Variants in MATN3 observed in about 807,000 individuals in gnomAD.
MATN3 encodes matrilin 3.
MATN3 carries 48 observed loss-of-function variants against 45.3 expected under a neutral mutation model. That is an observed-to-expected ratio of 1.06 (90% CI 0.84 to 1.35). The LOEUF (loss-of-function observed/expected upper bound fraction) is 1.35. Among genes scored for constraint, MATN3 ranks in the 40% most tolerant of loss-of-function variants. MATN3 has a pLI of 0.00. For synonymous variants in MATN3, 217 were observed against 245.9 expected, an observed-to-expected ratio of 0.88 and a Z score of 1.10; for missense variants, 599 against 628.0, an observed-to-expected ratio of 0.95 and a Z score of 0.49.
At chr2:20,005,352 T>C (rs1036485551) in intron 2 of MATN3, among the ~76,000 whole-genome samples, 1 of 151,968 alleles carries the variant, frequency 6.6e-6, no homozygotes, top group Non-Finnish European at 1.5e-5. Flanking sequence ...ATGGTAAAAC[T>C]AAAAAAATAT....
At position 20,012,311 on chromosome 2, in the gene MATN3, C is replaced by A. The variant is rs374832651; in HGVS notation, c.223+98G>T. The A allele has an allele frequency of 1.0e-6, 1 of 960,780 alleles. No individual in the cohort carries two copies. The allele number at this position is 960,780 out of a possible 1,614,324, so 59.5% of individuals were successfully genotyped here. ...CCGGGAGGGGCCTCTTTCCCCCGCA[C>A]CACGGTCGGCCTGAGGCCGGGATGA... On this transcript the variant is annotated intron_variant, in intron 1 of 7. Transcript: ENST00000407540. This position sits in a 1 kb window ranked among gnomAD's most constrained non-coding sequence, Gnocchi z 4.3.
Position 20,005,802 on chromosome 2 carries a change from G to A in MATN3, c.732C>T (p.Tyr244=), listed in dbSNP as rs371740669. ...ASEPLEEHVF[Y]VETYGVIEKL... is the part of the protein sequence containing the mutation. ...TCTCAATGACCCCATAGGTCTCCACGTAGAAAACATGCTCCTCTAGGGGCT... is the reference window on the plus strand; with the variant it reads ...TCTCAATGACCCCATAGGTCTCCACATAGAAAACATGCTCCTCTAGGGGCT... The change falls in exon 2 of 8, where the codon TAC becomes TAT. Residue 244 remains tyrosine (Y), a synonymous_variant. Transcript: ENST00000407540. 24 of 1,611,046 alleles carry A rather than the reference G, an allele frequency of 1.5e-5. No homozygotes were observed. Among genetic ancestry groups the A allele is most frequent in the Middle Eastern group, 1.6e-4 (1 of 6,084 alleles).
chr2:20,011,473 C>T (rs1375136262), intron 1 of MATN3, among the ~76,000 whole-genome samples: 1 of 152,230 alleles, frequency 6.6e-6, no homozygotes, highest in Non-Finnish European at 1.5e-5. Flanking sequence ...AGCTCCTTCT[C>T]AGCTTATCCA....
At chr2:20,009,477 CAG>C (rs1673175941) in intron 1 of MATN3, among the ~76,000 whole-genome samples, 2 of 151,942 alleles carry the variant, frequency 1.3e-5, no homozygotes, top group Admixed American at 1.3e-4. Flanking sequence ...CAGCGCCTGT[CAG>C]GGGGTGGGGG....
chr2:19,996,541 G>A (rs1672872309), intron 6 of MATN3, among the ~76,000 whole-genome samples: 1 of 152,132 alleles, frequency 6.6e-6, no homozygotes, highest in Non-Finnish European at 1.5e-5. Flanking sequence ...AAAGCATTGA[G>A]GGGAGGGTGG....
At chr2:20,009,372 C>T (rs1411292647) in intron 1 of MATN3, among the ~76,000 whole-genome samples, 1 of 151,492 alleles carries the variant, frequency 6.6e-6, no homozygotes, top group African/African-American at 2.4e-5. Context: ...AGCAAACTGA[C>T]ACAGGAACAG....
At chr2:20,011,796 G>C (rs1673223728) in intron 1 of MATN3, among the ~76,000 whole-genome samples, 1 of 152,226 alleles carries the variant, frequency 6.6e-6, no homozygotes, top group South Asian at 2.1e-4. Flanking sequence ...GGCTGTGTCA[G>C]ACGACCTGCC....
chr2:20,005,858 C>T lies in MATN3; in HGVS notation c.676G>A (p.Asp226Asn). The change falls in exon 2 of 8, where the codon GAC becomes AAC. Residue 226 changes from aspartate to asparagine, a missense_variant. Physicochemically the swap from Asp to Asn is conservative, Grantham distance 23 (BLOSUM62 1). Transcript: ENST00000407540. ...GCCATCATCTTGAGGGACGCCATGT[C>T]TGCCCGGTCCACGCCCACAGCATAG... ...ELYAVGVDRADMASLKMMASE... is the reference protein window; with the variant it reads ...ELYAVGVDRANMASLKMMASE... The T allele has an allele frequency of 6.2e-7, 1 of 1,609,450 alleles. No homozygotes were observed. The highest frequency in any genetic ancestry group is 8.5e-7 in the Non-Finnish European group (1 of 1,177,770).
In MATN3 at chr2:20,006,149, T is replaced by C. The variant is rs1156461542; in HGVS notation, c.385A>G (p.Ser129Gly). Residue 129 changes from serine to glycine, a missense_variant, in exon 2 of 8, where the codon AGC becomes GGC. Coordinates refer to ENST00000407540, the MANE Select transcript of MATN3 (RefSeq NM_002381.5). ...DTRVAVVNYA[S>G]TVKIEFQLQA... is the part of the protein sequence containing the mutation. ...AGTTGGAACTCGATCTTCACAGTGCTAGCATAGTTCACCACTGCCACCCGC... is the reference window on the plus strand; with the variant it reads ...AGTTGGAACTCGATCTTCACAGTGCCAGCATAGTTCACCACTGCCACCCGC... The C allele has an allele frequency of 6.2e-7, 1 of 1,614,002 alleles. No individual in the cohort carries two copies. The highest frequency in any genetic ancestry group is 1.7e-5 in the Admixed American group (1 of 60,026).
chr2:19,998,775 A>AATATAT (rs1553326852), intron 5 of MATN3, among the ~76,000 whole-genome samples: 2 of 151,028 alleles, frequency 1.3e-5, no homozygotes, highest in African/African-American at 4.9e-5. Context: ...AAGAAAAAAA[A>AATATAT]ATATATATAT....
chr2:20,009,435 C>A (rs1247195017), intron 1 of MATN3, among the ~76,000 whole-genome samples: 1 of 152,146 alleles, frequency 6.6e-6, no homozygotes, highest in South Asian at 2.1e-4. Context: ...ACAATGAGAA[C>A]TCATGGACAT....
intron 1 of MATN3, among the ~76,000 whole-genome samples, chr2:20,008,248 C>T (rs536641801): frequency 4.5e-4 from 68 of 152,332 alleles, no homozygotes; most frequent in African/African-American, 1.6e-3. Context: ...TAGGTGTGAG[C>T]CACTGTGCCC....
In MATN3 at chr2:19,996,733, G is replaced by A. The variant is rs369894746; in HGVS notation, c.1294+401C>T. 3.3e-4 allele frequency among the ~76,000 whole-genome samples: 51 copies of A among 152,274 alleles called. No homozygotes were observed. The East Asian group carries it at 6.2e-3, about 18-fold the overall frequency. On this transcript the variant is annotated intron_variant, in intron 6 of 7. Transcript: ENST00000407540. Reference sequence around the variant, plus strand: ...GTGATGGGCAGTTATTGTTTCATCGGCACAGACTTTTATTTTGGGATGATA... The same window carrying A: ...GTGATGGGCAGTTATTGTTTCATCGACACAGACTTTTATTTTGGGATGATA...
chr2:20,002,159 TATACACACACAC>T (rs1672997441), intron 3 of MATN3, 79 bp from the exon 4 acceptor site: 2 of 723,152 alleles, frequency 2.8e-6, no homozygotes, highest in Non-Finnish European at 4.1e-6. Flanking sequence ...CACTTACAGT[TATACACACACAC>T]ACACACACAC....
intron 3 of MATN3, among the ~76,000 whole-genome samples, 196 bp from the exon 4 acceptor site, chr2:20,002,276 A>G (rs910276493): frequency 6.6e-6 from 1 of 152,158 alleles, no homozygotes; most frequent in African/African-American, 2.4e-5. Context: ...ACCCTGTGAC[A>G]TAGGTAAGTT....
intron 6 of MATN3, 123 bp downstream of exon 6, chr2:19,997,011 G>A: frequency 2.1e-6 from 2 of 965,014 alleles, no homozygotes; most frequent in Admixed American, 4.9e-5. Context: ...TAGACCAGTG[G>A]GAGCCACTGG....
rs926545037 is a variant in MATN3 at position 19,995,232 on chromosome 2, C to T, written c.1295-823G>A. On this transcript the variant is annotated intron_variant, in intron 6 of 7. Coordinates refer to ENST00000407540, the MANE Select transcript of MATN3 (RefSeq NM_002381.5). The surrounding 1 kb of genome is among the most constrained non-coding windows in gnomAD (Gnocchi z 4.2). ...CTTTGGGAGGCCAAGGTGGGTGGAACGCTTGAAGTCAGGAGTTCAAGACCA... is the reference window on the plus strand; with the variant it reads ...CTTTGGGAGGCCAAGGTGGGTGGAATGCTTGAAGTCAGGAGTTCAAGACCA... Among the ~76,000 whole-genome samples, 3 of 152,130 alleles carry T rather than the reference C, an allele frequency of 2.0e-5. No homozygotes were observed. The highest frequency in any genetic ancestry group is 2.9e-5 in the Non-Finnish European group (2 of 68,038).
At chr2:20,004,558 G>A (rs1440776953) in intron 2 of MATN3, among the ~76,000 whole-genome samples, 4 of 152,206 alleles carry the variant, frequency 2.6e-5, no homozygotes, top group African/African-American at 9.7e-5. Context: ...AAGTCTGACT[G>A]CAATGAGGCC....
chr2:19,994,018 T>C (rs1672810183), intron 7 of MATN3, among the ~76,000 whole-genome samples: 1 of 152,198 alleles, frequency 6.6e-6, no homozygotes, highest in South Asian at 2.1e-4. Flanking sequence ...AGCATAAATG[T>C]TCCATCTGTT....
Sources: allele counts gnomAD v4.1 joint callset (sites outside exome capture counted in the v4.1 genomes callset), GRCh38; gene constraint gnomAD v4.1.1; non-coding constraint Gnocchi (gnomAD v3.1); transcripts MANE v1.5; gene names NCBI Gene and HGNC (gene_info 2026-07-23, HGNC 2026-07-21).